The following ATG7 variants were observed in gnomAD, a reference collection of about 807,000 sequenced individuals.
ATG7 encodes the protein autophagy related 7.
ATG7 carries 70 observed loss-of-function variants against 82.4 expected under a neutral mutation model. The observed-to-expected ratio is 0.85, with a 90% confidence interval of 0.70 to 1.04. ATG7 has a LOEUF of 1.04. Among genes scored for constraint, ATG7 ranks in the 50% least tolerant of loss-of-function variants. The probability of loss-of-function intolerance (pLI) is 0.00; values close to 1 mark genes in which losing one functional copy is unlikely to be tolerated. For synonymous variants in ATG7, 287 were observed against 313.0 expected (o/e 0.92, Z 0.88); for missense variants, 792 against 864.3 (o/e 0.92, Z 1.05).
intron 19 of ATG7, among the ~76,000 whole-genome samples, chr3:11,391,571 C>A (rs1221415714): frequency 1.3e-5 from 2 of 152,220 alleles, no homozygotes; most frequent in Admixed American, 1.3e-4. Flanking sequence ...CCTGCCAGCA[C>A]AGCGGTTCTT....
In ATG7 at chr3:11,436,971, T is replaced by G. The variant is rs376436804; in HGVS notation, c.2079+10045T>G. Among the ~76,000 whole-genome samples, 26 of 152,340 alleles carry G rather than the reference T, an allele frequency of 1.7e-4. 1 individual carries two copies. In the South Asian group the frequency reaches 5.4e-3, roughly 32 times the overall value. Reference sequence around the variant, plus strand: ...TTCCTTTCGAGGTGATGAAATGTTCTAATCTTAGATAGTGATGATGGTTGC... The same window carrying G: ...TTCCTTTCGAGGTGATGAAATGTTCGAATCTTAGATAGTGATGATGGTTGC... On this transcript the variant is annotated intron_variant, in intron 20 of 20. Transcript: ENST00000693202.
intron 19 of ATG7, among the ~76,000 whole-genome samples, chr3:11,411,379 A>G (rs1411198875): frequency 1.3e-5 from 2 of 152,142 alleles, no homozygotes; most frequent in Non-Finnish European, 2.9e-5. Context: ...TAATCCCAGC[A>G]CTTTGGGAGC....
rs1218072658 is a variant in ATG7 at position 11,320,814 on chromosome 3, C to T, written c.678+5321C>T. Among the ~76,000 whole-genome samples, 5 of 152,242 alleles carry T rather than the reference C, an allele frequency of 3.3e-5. 1 individual carries two copies. The highest frequency in any genetic ancestry group is 1.2e-4 in the African/African-American group (5 of 41,476). The stretch of plus-strand genomic sequence containing the variant: ...GAAGCACCTGGGTCAGTGCCTGGCA[C>T]ACAGTAGGCCTTCAGTGAGTAGAGG... On this transcript the variant is annotated intron_variant, in intron 9 of 20. Coordinates refer to ENST00000693202, the MANE Select transcript of ATG7 (RefSeq NM_001349232.2).
intron 3 of ATG7, chr3:11,290,457 A>G (rs923361081): frequency 7.4e-6 from 2 of 271,554 alleles, no homozygotes; most frequent in Admixed American, 9.9e-5. Flanking sequence ...TTTCTTCTCC[A>G]CGTTCTCTTC....
chr3:11,304,431 G>C (rs1288078077), intron 5 of ATG7: 1 of 152,278 alleles, frequency 6.6e-6, no homozygotes, highest in Non-Finnish European at 1.5e-5. Flanking sequence ...GATTGCTAGG[G>C]AAGTCAGGAG....
At chr3:11,344,504 C>G (rs1249998571) in intron 13 of ATG7, among the ~76,000 whole-genome samples, 3 of 151,966 alleles carry the variant, frequency 2.0e-5, no homozygotes, top group Non-Finnish European at 4.4e-5. Context: ...TAGAATAAAC[C>G]CTATTTGTAC....
chr3:11,459,497 T>C (rs953188666), intron 20 of ATG7, among the ~76,000 whole-genome samples: 4 of 38,786 alleles, frequency 1.0e-4, no homozygotes, highest in Non-Finnish European at 1.7e-4. Context: ...AGGAGCCAAG[T>C]GTTTTTTTTT....
At chr3:11,412,986 A>T (rs929193977) in intron 19 of ATG7, among the ~76,000 whole-genome samples, 1 of 151,484 alleles carries the variant, frequency 6.6e-6, no homozygotes, top group Non-Finnish European at 1.5e-5. Flanking sequence ...CTTTTTTTAG[A>T]TTGTTCATTA....
intron 19 of ATG7, among the ~76,000 whole-genome samples, chr3:11,402,428 G>A (rs1054470053): frequency 5.3e-5 from 8 of 151,972 alleles, no homozygotes; most frequent in Non-Finnish European, 7.4e-5. Context: ...GTGAGACTCC[G>A]TCTCAAAAAA....
intron 20 of ATG7, among the ~76,000 whole-genome samples, chr3:11,459,433 C>T (rs1463182975): frequency 6.6e-6 from 1 of 151,692 alleles, no homozygotes; most frequent in Non-Finnish European, 1.5e-5. Flanking sequence ...GATAGCTATA[C>T]TCAACATCAT....
At chr3:11,425,867 C>T (rs2082322227) in intron 19 of ATG7, among the ~76,000 whole-genome samples, 1 of 152,070 alleles carries the variant, frequency 6.6e-6, no homozygotes, top group Non-Finnish European at 1.5e-5. Context: ...TTCATGTTGC[C>T]TATTTCATTT....
chr3:11,371,242 A>G (rs1043812122), intron 18 of ATG7, among the ~76,000 whole-genome samples: 1 of 151,212 alleles, frequency 6.6e-6, no homozygotes, highest in African/African-American at 2.4e-5. Flanking sequence ...TTGAAAGGGA[A>G]AAGGAAGAGA....
At chr3:11,509,118 C>T (rs2091907681) in intron 20 of ATG7, among the ~76,000 whole-genome samples, 1 of 152,226 alleles carries the variant, frequency 6.6e-6, no homozygotes. Flanking sequence ...TTTATTAAAA[C>T]ACCCAGGTCA....
downstream of ATG7, chr3:11,558,414 C>T (rs2072631172): frequency 2.2e-6 from 3 of 1,336,900 alleles, no homozygotes; most frequent in Non-Finnish European, 3.0e-6. Context: ...GAACACAAAT[C>T]CCAACAACAT....
At chr3:11,569,311 G>A in the ATG7 span, among the ~76,000 whole-genome samples, 1 of 152,188 alleles carries the variant, frequency 6.6e-6, no homozygotes, top group Non-Finnish European at 1.5e-5. Context: ...TGGGGAGGGG[G>A]TATGGGTACA....
chr3:11,570,669 C>A, the ATG7 span, among the ~76,000 whole-genome samples: 1 of 152,202 alleles, frequency 6.6e-6, no homozygotes, highest in African/African-American at 2.4e-5. Context: ...GAGAAAATGA[C>A]TGGTGGCAAA....
intron 20 of ATG7, among the ~76,000 whole-genome samples, chr3:11,513,879 C>T (rs2092172797): frequency 6.6e-6 from 1 of 152,242 alleles, no homozygotes; most frequent in Non-Finnish European, 1.5e-5. Flanking sequence ...TTATGAACAT[C>T]TACTGTGTAC....
chr3:11,282,033 G>A (rs923873404), intron 2 of ATG7, among the ~76,000 whole-genome samples, 160 bp from the exon 3 acceptor site: 1 of 152,146 alleles, frequency 6.6e-6, no homozygotes, highest in South Asian at 2.1e-4. Flanking sequence ...AATCCAGGTG[G>A]GTGTCTCTCA....
intron 20 of ATG7, among the ~76,000 whole-genome samples, chr3:11,465,352 G>GGA (rs2086722267): frequency 6.6e-6 from 1 of 151,790 alleles, no homozygotes; most frequent in African/African-American, 2.4e-5. Context: ...GGCTGAGGCA[G>GGA]GAGAATGGCG....
Sources: allele counts gnomAD v4.1 joint callset (sites outside exome capture counted in the v4.1 genomes callset), GRCh38; gene constraint gnomAD v4.1.1; transcripts MANE v1.5; gene names NCBI Gene and HGNC (gene_info 2026-07-23, HGNC 2026-07-21).